The following PCDHA8 variants were observed in gnomAD, a reference collection of about 807,000 sequenced individuals.
PCDHA8 encodes protocadherin alpha-8.
PCDHA8 carries 53 observed loss-of-function variants against 61.8 expected under a neutral mutation model. The observed-to-expected ratio is 0.86, with a 90% CI of 0.69 to 1.08. The LOEUF (loss-of-function observed/expected upper bound fraction) is 1.08, where lower values mean the gene tolerates loss of function less well. PCDHA8 is among the 50% of genes least tolerant of loss of function. The pLI is 0.00. For missense variants in PCDHA8, 1,293 were observed against 1,245.0 expected (o/e 1.04, Z -0.58); for synonymous variants, 618 against 556.6 (o/e 1.11, Z -1.55).
rs2150500833 is a variant in PCDHA8 at position 140,850,862 on chromosome 5, C to T, written c.2394+7147C>T. ...GATCTACAGAGCGAACGGGAGAACCCTCTGCTTCCTCAGATTCAACTGGGA... is the reference window on the plus strand; with the variant it reads ...GATCTACAGAGCGAACGGGAGAACCTTCTGCTTCCTCAGATTCAACTGGGA... On this transcript the variant is annotated intron_variant, in intron 1 of 3. Coordinates refer to ENST00000531613, the MANE Select transcript of PCDHA8 (RefSeq NM_018911.3). The T allele has an allele frequency of 1.9e-6, 3 of 1,592,842 alleles. 1 individual carries two copies. In the African/African-American group the frequency reaches 4.0e-5, roughly 21 times the overall value.
At chr5:140,982,935 T>C (rs2097016879) in intron 3 of PCDHA8, among the ~76,000 whole-genome samples, 2 of 151,876 alleles carry the variant, frequency 1.3e-5, no homozygotes, top group African/African-American at 4.9e-5. Context: ...ACAAAGATCT[T>C]TTGGTTGAAG....
At chr5:140,977,306 C>G (rs995052680) in intron 1 of PCDHA8, among the ~76,000 whole-genome samples, 22 of 152,268 alleles carry the variant, frequency 1.4e-4, no homozygotes, top group African/African-American at 4.8e-4. Context: ...GACAAGCTAA[C>G]GATAGTGCTC....
chr5:140,912,612 A>T (rs1286245692), intron 1 of PCDHA8, among the ~76,000 whole-genome samples: 1 of 151,994 alleles, frequency 6.6e-6, no homozygotes, highest in South Asian at 2.1e-4. Context: ...CTCTTGTCTG[A>T]TTACTCTGGA....
chr5:140,849,369 A>T, intron 1 of PCDHA8: 1 of 1,490,294 alleles, frequency 6.7e-7, no homozygotes, highest in Non-Finnish European at 9.2e-7. Flanking sequence ...TATAAAATCC[A>T]AGTTCCACAT....
chr5:140,849,857 G>C (rs781928576), intron 1 of PCDHA8: 1 of 1,598,626 alleles, frequency 6.3e-7, no homozygotes, highest in Non-Finnish European at 8.6e-7. Context: ...ACGCACCAGC[G>C]TTCGCGCAGT....
chr5:140,867,596 G>C (rs1388910756), intron 1 of PCDHA8: 2 of 152,076 alleles, frequency 1.3e-5, no homozygotes, highest in African/African-American at 2.4e-5. Context: ...TTAGATTGGA[G>C]ATAAACCATC....
intron 1 of PCDHA8, among the ~76,000 whole-genome samples, chr5:140,937,848 C>G (rs939450579): frequency 1.4e-5 from 2 of 145,938 alleles, no homozygotes; most frequent in African/African-American, 2.5e-5. Flanking sequence ...GAAGGCGGAA[C>G]TTGGAGTGAG....
At chr5:141,002,550 G>A (rs1458455103) in intron 3 of PCDHA8, among the ~76,000 whole-genome samples, 1 of 152,186 alleles carries the variant, frequency 6.6e-6, no homozygotes, top group African/African-American at 2.4e-5. Context: ...TGAGTCCCAG[G>A]ATCCACCAGT....
chr5:140,874,487 G>T (rs1194886650), intron 1 of PCDHA8, among the ~76,000 whole-genome samples: 11 of 152,214 alleles, frequency 7.2e-5, no homozygotes, highest in African/African-American at 2.2e-4. Flanking sequence ...GCAAAAGGTT[G>T]ATATCAAGTT....
At chr5:140,892,980 G>T (rs568292110) in intron 1 of PCDHA8, among the ~76,000 whole-genome samples, 192 of 152,148 alleles carry the variant, frequency 1.3e-3, no homozygotes, top group African/African-American at 4.5e-3. Flanking sequence ...TGTAGCTGCC[G>T]TATAAGTGAG....
At chr5:140,848,935 C>G (rs1363080082) in intron 1 of PCDHA8, 1 of 1,607,474 alleles carries the variant, frequency 6.2e-7, no homozygotes, top group Non-Finnish European at 8.5e-7. Context: ...GAATCCAGGC[C>G]GCTTGACTCT....
intron 1 of PCDHA8, chr5:140,854,248 G>A (rs781986027): frequency 3.2e-6 from 2 of 634,534 alleles, no homozygotes; most frequent in Non-Finnish European, 3.9e-6. Context: ...GTTATCACTT[G>A]GTATAAAATG....
At position 140,858,524 on chromosome 5, in the gene PCDHA8, T is replaced by C. The variant is rs1562538927; in HGVS notation, c.2394+14809T>C. 9 of 1,408,436 alleles carry C rather than the reference T, an allele frequency of 6.4e-6. 1 individual carries two copies. Among genetic ancestry groups the C allele is most frequent in the Admixed American group, 2.0e-5 (1 of 49,940 alleles). The allele number at this position is 1,408,436 out of a possible 1,614,324, so 87.2% of individuals were successfully genotyped here. A position where few individuals can be genotyped will look rare whatever the true frequency, so the allele number is the denominator to read the frequency against. On this transcript the variant is annotated intron_variant, in intron 1 of 3. Coordinates refer to ENST00000531613, the MANE Select transcript of PCDHA8 (RefSeq NM_018911.3). ...TTTCTCAAATATGTATCAGAATATT[T>C]CATTTTTGTCTACATTCCATTTATG...
At chr5:140,883,945 C>T in intron 1 of PCDHA8, 1 of 1,613,378 alleles carries the variant, frequency 6.2e-7, no homozygotes, top group Non-Finnish European at 8.5e-7. Context: ...TGGACGAGAA[C>T]GACAACGCTC....
chr5:140,937,442 A>AAAATATCATTTTAAAATATCATTAT (rs2091531773), intron 1 of PCDHA8, among the ~76,000 whole-genome samples: 1 of 152,160 alleles, frequency 6.6e-6, no homozygotes, highest in Non-Finnish European at 1.5e-5. Context: ...ATGCTATTTT[A>AAAATATCATTTTAAAATATCATTAT]AAAGTTTAAT....
chr5:140,857,141 G>A, intron 1 of PCDHA8: 3 of 1,598,268 alleles, frequency 1.9e-6, no homozygotes, highest in Non-Finnish European at 2.6e-6. Flanking sequence ...TGCTCAAGTG[G>A]GCACCGTCAT....
intron 1 of PCDHA8, among the ~76,000 whole-genome samples, chr5:140,874,488 A>G (rs1452122658): frequency 2.0e-5 from 3 of 152,254 alleles, no homozygotes; most frequent in African/African-American, 7.2e-5. Flanking sequence ...CAAAAGGTTG[A>G]TATCAAGTTC....
chr5:140,913,781 A>G (rs1554196050), intron 1 of PCDHA8, among the ~76,000 whole-genome samples: 2 of 151,976 alleles, frequency 1.3e-5, no homozygotes, highest in African/African-American at 4.8e-5. Flanking sequence ...TTGTGTTTCC[A>G]TTATCATTTG....
chr5:140,925,952 ACTG>A (rs1295981015), intron 1 of PCDHA8, among the ~76,000 whole-genome samples: 1 of 151,952 alleles, frequency 6.6e-6, no homozygotes, highest in Non-Finnish European at 1.5e-5. Flanking sequence ...AGAAGGAGAA[ACTG>A]CTATCACGCA....
Sources: gnomAD v4.1 joint callset for allele counts (sites outside exome capture counted in the v4.1 genomes callset) on GRCh38, gnomAD v4.1.1 for gene constraint, MANE v1.5 for transcripts, NCBI Gene and HGNC (gene_info 2026-07-23, HGNC 2026-07-21) for gene names.